Variants in ADAM12 observed in about 807,000 individuals in gnomAD.
ADAM12 encodes disintegrin and metalloproteinase domain-containing protein 12.
ADAM12 carries 70 observed loss-of-function variants against 106.4 expected under a neutral mutation model. That is an observed-to-expected ratio of 0.66 (90% CI 0.54 to 0.80). The LOEUF is 0.80. Among genes scored for constraint, ADAM12 ranks in the 30% least tolerant of loss-of-function variants. The pLI is 0.00. For synonymous variants in ADAM12, 420 were observed against 433.5 expected (o/e 0.97, Z 0.39); for missense variants, 1,010 against 1,171.9 (o/e 0.86, Z 2.02).
intron 3 of ADAM12, among the ~76,000 whole-genome samples, chr10:126,183,323 C>A (rs973404884): frequency 1.3e-5 from 2 of 152,154 alleles, no homozygotes; most frequent in African/African-American, 4.8e-5. Flanking sequence ...CCCCTCAACC[C>A]CATTCCATGG....
intron 1 of ADAM12, among the ~76,000 whole-genome samples, chr10:126,346,646 T>G (rs1011573129): frequency 6.6e-6 from 1 of 152,210 alleles, no homozygotes; most frequent in Admixed American, 6.5e-5. Context: ...ATTATTATTG[T>G]GTGGAAGTCT....
chr10:126,019,225 C>T (rs1029154895), intron 22 of ADAM12, among the ~76,000 whole-genome samples: 6 of 152,194 alleles, frequency 3.9e-5, no homozygotes, highest in African/African-American at 1.4e-4. Context: ...TGAGGCCTCC[C>T]CGGAAGCATA....
chr10:126,173,351 C>T (rs966470217), intron 3 of ADAM12, among the ~76,000 whole-genome samples: 2 of 152,176 alleles, frequency 1.3e-5, no homozygotes, highest in African/African-American at 2.4e-5. Flanking sequence ...AAACAGCAAA[C>T]GCGGCGAATC....
At chr10:126,377,110 T>C (rs1856320595) in intron 1 of ADAM12, among the ~76,000 whole-genome samples, 1 of 152,202 alleles carries the variant, frequency 6.6e-6, no homozygotes, top group African/African-American at 2.4e-5. Flanking sequence ...GCACACAGGA[T>C]GGTTAGTTAC....
At chr10:126,280,546 C>T (rs1959525203) in intron 2 of ADAM12, among the ~76,000 whole-genome samples, 1 of 152,180 alleles carries the variant, frequency 6.6e-6, no homozygotes, top group Non-Finnish European at 1.5e-5. Flanking sequence ...TTCTATTGGA[C>T]AGCTCTGAGT....
chr10:126,178,528 G>C (rs1387574553), intron 3 of ADAM12, among the ~76,000 whole-genome samples: 2 of 143,184 alleles, frequency 1.4e-5, no homozygotes, highest in Non-Finnish European at 3.0e-5. Flanking sequence ...ATATTTCTTT[G>C]TATGCTTGTA....
intron 1 of ADAM12, among the ~76,000 whole-genome samples, chr10:126,351,804 G>C (rs1855372010): frequency 6.6e-6 from 1 of 152,136 alleles, no homozygotes; most frequent in African/African-American, 2.4e-5. Context: ...GAAGTGCTGA[G>C]TGCCCAAAGA....
intron 14 of ADAM12, among the ~76,000 whole-genome samples, chr10:126,052,667 G>A (rs1954534046): frequency 1.3e-5 from 2 of 152,118 alleles, no homozygotes; most frequent in South Asian, 2.1e-4. Context: ...AGAGAGGAAG[G>A]GGGAGAGAGA....
Position 126,017,303 on chromosome 10 carries a change from G to A in ADAM12, c.2697C>T (p.Ser899=), listed in dbSNP as rs752069099. Residue 899 remains serine (S), a synonymous_variant, in exon 23 of 23, where the codon TCC becomes TCT. Transcript: ENST00000448723. ...CTCACTTAATATAGGCGGTGTGGGTGGATCTGGGCACTTGGTGTGGATATT... is the reference window on the plus strand; with the variant it reads ...CTCACTTAATATAGGCGGTGTGGGTAGATCTGGGCACTTGGTGTGGATATT... ...APQYPHQVPR[S]THTAYIK 6.3e-7 allele frequency: 1 copy of A among 1,594,226 alleles called. No individual in the cohort carries two copies. Among genetic ancestry groups the A allele is most frequent in the Non-Finnish European group, 8.6e-7 (1 of 1,169,582 alleles).
intron 2 of ADAM12, among the ~76,000 whole-genome samples, chr10:126,306,569 C>T (rs889631845): frequency 1.5e-4 from 23 of 152,246 alleles, no homozygotes; most frequent in African/African-American, 4.1e-4. Context: ...CTGTTAGAGA[C>T]GAATTTTATC....
intron 3 of ADAM12, among the ~76,000 whole-genome samples, chr10:126,210,872 G>C (rs916376708): frequency 1.3e-5 from 2 of 152,320 alleles, no homozygotes; most frequent in East Asian, 3.9e-4. Flanking sequence ...GAAAGGTTAC[G>C]AGGGTCATTT....
At chr10:126,156,333 A>G (rs1336802628) in intron 3 of ADAM12, among the ~76,000 whole-genome samples, 1 of 152,232 alleles carries the variant, frequency 6.6e-6, no homozygotes, top group Admixed American at 6.5e-5. Flanking sequence ...GAAACACTTC[A>G]GCTATGACAG....
At chr10:126,299,618 T>C (rs34055013) in intron 2 of ADAM12, among the ~76,000 whole-genome samples, 1 of 152,046 alleles carries the variant, frequency 6.6e-6, no homozygotes, top group East Asian at 1.9e-4. Context: ...CATGTTACTG[T>C]CTAATATTTT....
At chr10:126,174,436 G>C (rs1957180936) in intron 3 of ADAM12, among the ~76,000 whole-genome samples, 1 of 152,096 alleles carries the variant, frequency 6.6e-6, no homozygotes, top group East Asian at 1.9e-4. Context: ...GAGCTTTGCG[G>C]CATGTCTTTC....
chr10:126,062,127 G>A (rs562818861), intron 14 of ADAM12, among the ~76,000 whole-genome samples: 2 of 152,310 alleles, frequency 1.3e-5, no homozygotes, highest in East Asian at 3.9e-4. Flanking sequence ...CCAAAACCCA[G>A]GAAGTCACAA....
At chr10:126,197,640 G>A (rs1957622253) in intron 3 of ADAM12, among the ~76,000 whole-genome samples, 1 of 152,232 alleles carries the variant, frequency 6.6e-6, no homozygotes, top group African/African-American at 2.4e-5. Context: ...AGCATCTGAG[G>A]ACACAGAGGT....
At chr10:126,163,192 A>G (rs1956967026) in intron 3 of ADAM12, among the ~76,000 whole-genome samples, 1 of 152,172 alleles carries the variant, frequency 6.6e-6, no homozygotes, top group South Asian at 2.1e-4. Context: ...TTCTTTGTAA[A>G]TTACCAAGTC....
At position 126,160,299 on chromosome 10, in the gene ADAM12, C is replaced by T. The variant is rs919825644; in HGVS notation, c.261-4994G>A. Among the ~76,000 whole-genome samples, 6 of 152,274 alleles carry T rather than the reference C, an allele frequency of 3.9e-5. No individual in the cohort carries two copies. In the South Asian group the frequency reaches 1.0e-3, roughly 26 times the overall value. ...CTAGATTCAACTATCTCCTTCAAAA[C>T]AACATGGTGTGCCCAACAAAAACAC... On this transcript the variant is annotated intron_variant, in intron 3 of 22. Coordinates refer to ENST00000448723, the MANE Select transcript of ADAM12 (RefSeq NM_001288973.2).
rs73384723 is a variant in ADAM12 at position 126,248,958 on chromosome 10, G to C, written c.260+29957C>G. On this transcript the variant is annotated intron_variant, in intron 3 of 22. Transcript: ENST00000448723. ...TGACCTCAAGTGATCTGCCCCGTTC[G>C]GCCTCCTGAAGTGCTGGGATTACAG... 4.4e-3 allele frequency among the ~76,000 whole-genome samples: 666 copies of C among 152,070 alleles called. 1 individual carries two copies. Among genetic ancestry groups the C allele is most frequent in the Middle Eastern group, 6.8e-3 (2 of 294 alleles).
Sources: allele counts gnomAD v4.1 joint callset (sites outside exome capture counted in the v4.1 genomes callset), GRCh38; gene constraint gnomAD v4.1.1; transcripts MANE v1.5; gene names NCBI Gene and HGNC (gene_info 2026-07-23, HGNC 2026-07-21).